Variants in MASP1 observed in about 807,000 individuals in gnomAD.
MASP1 encodes the protein mannan-binding lectin serine protease 1.
MASP1 carries 59 observed loss-of-function variants against 77.1 expected under a neutral mutation model. The observed-to-expected ratio is 0.77, with a 90% CI of 0.62 to 0.95. The LOEUF is 0.95. Ranked by LOEUF, MASP1 falls within the 40% of genes least tolerant of loss-of-function variation. The pLI is 0.00. For synonymous variants in MASP1, 362 were observed against 354.5 expected, an observed-to-expected ratio of 1.02 and a Z score of -0.24; for missense variants, 885 against 912.9, an observed-to-expected ratio of 0.97 and a Z score of 0.39.
chr3:187,221,132 A>C (rs777625922), exon 15 of MASP1: 94 of 1,612,508 alleles, frequency 5.8e-5, no homozygotes, highest in Non-Finnish European at 7.5e-5. Context: ...TCGGGATTTC[A>C]ATCTAGAACA....
At chr3:187,241,208 T>G (rs1194967562) in intron 10 of MASP1, among the ~76,000 whole-genome samples, 1 of 152,152 alleles carries the variant, frequency 6.6e-6, no homozygotes, top group African/African-American at 2.4e-5. Flanking sequence ...CAGATGCACA[T>G]GCAAACTGTG....
chr3:187,220,122 G>A lies in MASP1; in HGVS notation c.2049C>T (p.Tyr683=), dbSNP rs778414985. Residue 683 remains tyrosine (Y), a synonymous_variant, in exon 16 of 16, where the codon TAC becomes TAT. Coordinates refer to the MASP1 transcript ENST00000337774. ...GGATCCAGTCCTTGTTGTGGTGGAT[G>A]TAAGAGTATACTCCGTAGCGGTCCT... 3 of 1,614,016 alleles carry A rather than the reference G, an allele frequency of 1.9e-6. No individual in the cohort carries two copies. The African/African-American group carries it at 4.0e-5, about 22-fold the overall frequency.
chr3:187,288,274 C>A (rs1718015771), intron 1 of MASP1, among the ~76,000 whole-genome samples: 1 of 152,122 alleles, frequency 6.6e-6, no homozygotes. Context: ...TCCAAGTTAA[C>A]CTGTGAATTA....
intron 1 of MASP1, 92 bp downstream of exon 1, chr3:187,291,536 G>A (rs973414520): frequency 1.3e-6 from 2 of 1,505,350 alleles, no homozygotes; most frequent in South Asian, 1.1e-5. Flanking sequence ...AGGACACGCA[G>A]GTGAGTCTGT....
chr3:187,252,909 A>T lies in MASP1; in HGVS notation c.892+259T>A, dbSNP rs3733006. ...CAGGAAACAAGATTTCTTTTTCTTT[A>T]ATCTCTCTATGCGATACTGAAGTAC... On this transcript the variant is annotated intron_variant, in intron 6 of 10. Coordinates refer to ENST00000296280, the MANE Select transcript of MASP1 (RefSeq NM_139125.4). Among the ~76,000 whole-genome samples, 19,049 of 152,192 alleles carry T rather than the reference A, an allele frequency of 0.13. 1,367 individuals carry two copies. The highest frequency in any genetic ancestry group is 0.25 in the East Asian group (1,295 of 5,174).
At chr3:187,268,732 G>A (rs1158434361) in intron 2 of MASP1, among the ~76,000 whole-genome samples, 1 of 151,844 alleles carries the variant, frequency 6.6e-6, no homozygotes, top group Admixed American at 6.6e-5. Context: ...AATATAGAGG[G>A]CCCAGAACTA....
In MASP1 at chr3:187,234,253, T is replaced by C; in HGVS notation, c.*1431A>G. ...GTGTTTGATGAGCCGGTTGAGAAAG[T>C]GGACACTTCCCAATCATTCCCTCTC... On this transcript the variant is annotated 3_prime_UTR_variant, in exon 11 of 11. Coordinates refer to ENST00000296280, the MANE Select transcript of MASP1 (RefSeq NM_139125.4). 1 of 1,287,192 alleles carries C rather than the reference T, an allele frequency of 7.8e-7. No homozygotes were observed. 79.7% of individuals were successfully genotyped at this position (1,287,192 alleles called of 1,614,324 possible).
chr3:187,288,303 A>G (rs1006205724), intron 1 of MASP1, among the ~76,000 whole-genome samples: 11 of 152,198 alleles, frequency 7.2e-5, no homozygotes, highest in Admixed American at 3.9e-4. Context: ...GCTGAGTCAA[A>G]AAACCAGGTG....
At chr3:187,246,995 G>A (rs1714136855) in intron 8 of MASP1, 1 of 1,232,332 alleles carries the variant, frequency 8.1e-7, no homozygotes, top group Admixed American at 3.9e-5. Context: ...AGGCCACATG[G>A]TTGTATATTA....
intron 8 of MASP1, chr3:187,246,856 T>A (rs1408321766): frequency 9.9e-7 from 1 of 1,013,606 alleles, no homozygotes; most frequent in East Asian, 9.1e-5. Flanking sequence ...TTATTTGCTT[T>A]ACCTACTCAT....
At chr3:187,269,946 T>G (rs530363319) in intron 2 of MASP1, among the ~76,000 whole-genome samples, 1 of 136,284 alleles carries the variant, frequency 7.3e-6, no homozygotes, top group African/African-American at 2.5e-5. Flanking sequence ...GAACGGCTAA[T>G]GGGATAAAAC....
At position 187,235,604 on chromosome 3, in the gene MASP1, G is replaced by A. The variant is rs759372241; in HGVS notation, c.*80C>T. The A allele has an allele frequency of 1.9e-6, 3 of 1,600,966 alleles. No individual in the cohort carries two copies. The African/African-American group carries it at 4.0e-5, about 21-fold the overall frequency. ...CAGTGTGTTCCATTCCATATGGTCT[G>A]ATAAGTAATGTGGAGTGTGCTGTCG... On this transcript the variant is annotated 3_prime_UTR_variant, in exon 11 of 11. Coordinates refer to ENST00000296280, the MANE Select transcript of MASP1 (RefSeq NM_139125.4).
intron 10 of MASP1, among the ~76,000 whole-genome samples, chr3:187,237,579 A>C (rs1713287476): frequency 6.6e-6 from 1 of 152,236 alleles, no homozygotes; most frequent in Admixed American, 6.5e-5. Context: ...TAGGGGAAGG[A>C]GAAAGATCTG....
At chr3:187,286,892 G>A (rs1032150324) in intron 1 of MASP1, among the ~76,000 whole-genome samples, 1 of 152,066 alleles carries the variant, frequency 6.6e-6, no homozygotes, top group Non-Finnish European at 1.5e-5. Context: ...TCTGATTTCT[G>A]TTCATGGTAC....
intron 5 of MASP1, among the ~76,000 whole-genome samples, chr3:187,254,632 A>T (rs1714917850): frequency 6.6e-6 from 1 of 152,192 alleles, no homozygotes; most frequent in South Asian, 2.1e-4. Context: ...GGGAGAATAG[A>T]TTGTGTAGGG....
exon 16 of MASP1, chr3:187,218,878 C>T (rs892627984): frequency 1.3e-5 from 2 of 152,300 alleles, no homozygotes; most frequent in African/African-American, 4.8e-5. Flanking sequence ...GGGTGAGGCT[C>T]AGGGGTGAGG....
At chr3:187,251,775 AC>A (rs1363719978) in intron 6 of MASP1, 23 bp from the exon 7 acceptor site, 8 of 1,573,460 alleles carry the variant, frequency 5.1e-6, no homozygotes, top group Non-Finnish European at 7.0e-6. Context: ...AAATGAAAGA[AC>A]AGCAGGTGAG....
chr3:187,253,236 A>G lies in MASP1; in HGVS notation c.824T>C (p.Val275Ala). ...PEPISTQSHS[V>A]LILFHSDNSG... ...GTTGTCACTATGGAACAGGATCAGG[A>G]CACTGTGGCTCTGGGTGCTGATGGG... is the stretch of plus-strand genomic sequence containing the variant. Residue 275 changes from valine (V) to alanine (A), a missense_variant, in exon 6 of 11, where the codon GTC becomes GCC. Transcript: ENST00000296280. 1 of 1,614,178 alleles carries G rather than the reference A, an allele frequency of 6.2e-7. No homozygotes were observed. Among genetic ancestry groups the G allele is most frequent in the Non-Finnish European group, 8.5e-7 (1 of 1,180,030 alleles).
chr3:187,227,536 G>A (rs1372957541), intron 11 of MASP1, among the ~76,000 whole-genome samples: 2 of 152,142 alleles, frequency 1.3e-5, no homozygotes, highest in Non-Finnish European at 2.9e-5. Context: ...AGGGGTGGGG[G>A]AGGCTGAGTA....
Sources: gnomAD v4.1 joint callset for allele counts (sites outside exome capture counted in the v4.1 genomes callset) on GRCh38, gnomAD v4.1.1 for gene constraint, MANE v1.5 for transcripts, NCBI Gene and HGNC (gene_info 2026-07-23, HGNC 2026-07-21) for gene names.